Variants in CNTLN observed in about 807,000 individuals in gnomAD.
CNTLN encodes the protein centlein, centrosomal protein.
A neutral mutation model predicts 180.0 loss-of-function variants in CNTLN; 212 were observed. The observed-to-expected ratio is 1.18, with a 90% CI of 1.05 to 1.32. The LOEUF is 1.32. CNTLN is among the 40% of genes most tolerant of loss of function. CNTLN has a pLI of 0.00. For synonymous variants in CNTLN, 722 were observed against 563.1 expected, an observed-to-expected ratio of 1.28 and a Z score of -3.99; for missense variants, 2,095 against 1,610.9, an observed-to-expected ratio of 1.30 and a Z score of -5.14.
At chr9:17,337,642 G>T (rs1382698514) in intron 10 of CNTLN, among the ~76,000 whole-genome samples, 1 of 152,040 alleles carries the variant, frequency 6.6e-6, no homozygotes, top group African/African-American at 2.4e-5. Flanking sequence ...CTTAGTCTTT[G>T]GTTTAATGGT....
chr9:17,516,836 C>A, the CNTLN span, among the ~76,000 whole-genome samples: 1 of 152,152 alleles, frequency 6.6e-6, no homozygotes, highest in African/African-American at 2.4e-5. Context: ...AGAACTTGAT[C>A]TAGATTTTGT....
intron 13 of CNTLN, among the ~76,000 whole-genome samples, chr9:17,377,570 C>CA (rs1824879470): frequency 1.3e-5 from 2 of 151,566 alleles, no homozygotes; most frequent in Admixed American, 6.6e-5. Context: ...GTCAAAAAAA[C>CA]AAAAAACAAA....
At chr9:17,481,504 C>G (rs1832645291) in intron 23 of CNTLN, among the ~76,000 whole-genome samples, 1 of 152,164 alleles carries the variant, frequency 6.6e-6, no homozygotes, top group African/African-American at 2.4e-5. Flanking sequence ...AGCCAGTAGT[C>G]CTGTCCAGAG....
At chr9:17,326,897 A>G (rs1460832399) in intron 8 of CNTLN, among the ~76,000 whole-genome samples, 4 of 152,206 alleles carry the variant, frequency 2.6e-5, no homozygotes, top group Non-Finnish European at 5.9e-5. Flanking sequence ...TAGGAGATAT[A>G]GGAACTAAAT....
At chr9:17,518,698 T>A in the CNTLN span, among the ~76,000 whole-genome samples, 1 of 152,156 alleles carries the variant, frequency 6.6e-6, no homozygotes, top group Non-Finnish European at 1.5e-5. Context: ...TTTTAGGCAA[T>A]GAAATGTGAG....
chr9:17,171,445 A>T (rs1459500006), intron 2 of CNTLN, among the ~76,000 whole-genome samples: 1 of 152,118 alleles, frequency 6.6e-6, no homozygotes, highest in African/African-American at 2.4e-5. Context: ...ATCTGCTAAG[A>T]TTGTAGGAGT....
intron 23 of CNTLN, among the ~76,000 whole-genome samples, chr9:17,473,495 G>A (rs1244866451): frequency 1.3e-5 from 2 of 150,350 alleles, no homozygotes; most frequent in African/African-American, 4.9e-5. Flanking sequence ...CCTCATATTC[G>A]CAAGGACTTT....
At chr9:17,160,866 A>G (rs1819629560) in intron 2 of CNTLN, among the ~76,000 whole-genome samples, 1 of 152,012 alleles carries the variant, frequency 6.6e-6, no homozygotes, top group African/African-American at 2.4e-5. Flanking sequence ...ATTAAAACAG[A>G]TATTTCCACC....
chr9:17,298,948 A>G (rs1273170723), intron 7 of CNTLN: 2 of 985,068 alleles, frequency 2.0e-6, no homozygotes, highest in Non-Finnish European at 2.4e-6. Context: ...CTAATTAAAA[A>G]AAATACCTTT....
rs77780890 is a variant in CNTLN, at chr9:17,485,640, G to C, written c.4041+1160G>C. On this transcript the variant is annotated intron_variant, in intron 24 of 25. Transcript: ENST00000380647. ...AACCTAACCAAAATTTAAGGGTAAG[G>C]CCTCTACTGTTGCCTAGAAATTTTA... Among the ~76,000 whole-genome samples the C allele has an allele frequency of 3.3e-3, 502 of 152,080 alleles. 7 individuals carry two copies. The South Asian group carries it at 0.046, about 14-fold the overall frequency.
intron 5 of CNTLN, among the ~76,000 whole-genome samples, chr9:17,248,484 A>T (rs1387169994): frequency 6.7e-6 from 1 of 150,072 alleles, no homozygotes; most frequent in East Asian, 1.9e-4. Flanking sequence ...TGTCCATTTT[A>T]TCTAAATTAT....
At chr9:17,391,752 A>G (rs536990853) in intron 14 of CNTLN, among the ~76,000 whole-genome samples, 4 of 152,302 alleles carry the variant, frequency 2.6e-5, no homozygotes, top group African/African-American at 9.6e-5. Flanking sequence ...CAGTTTTATT[A>G]GGTAGATGTT....
chr9:17,193,545 A>G (rs2131824313), intron 2 of CNTLN, among the ~76,000 whole-genome samples: 1 of 152,318 alleles, frequency 6.6e-6, no homozygotes, highest in South Asian at 2.1e-4. Flanking sequence ...TCTCACATCC[A>G]GGTCACAGTG....
chr9:17,453,421 C>T lies in CNTLN; in HGVS notation c.3115-4103C>T, dbSNP rs140075899. On this transcript the variant is annotated intron_variant, in intron 18 of 25. Coordinates refer to ENST00000380647, the MANE Select transcript of CNTLN (RefSeq NM_017738.4). The stretch of plus-strand genomic sequence containing the variant: ...GAGTGAGAATATTATATAAACTCTA[C>T]GCACTGTGGGGTTTGGGATACTTTC... Among the ~76,000 whole-genome samples the T allele has an allele frequency of 2.1e-3, 319 of 152,176 alleles. 1 individual carries two copies. The highest frequency in any genetic ancestry group is 7.2e-3 in the African/African-American group (299 of 41,520).
chr9:17,464,314 C>G (rs1047010054), intron 20 of CNTLN, among the ~76,000 whole-genome samples, 183 bp from the exon 21 acceptor site: 1 of 151,218 alleles, frequency 6.6e-6, no homozygotes, highest in African/African-American at 2.4e-5. Flanking sequence ...ATAGATTTTA[C>G]AAGTGTTCAA....
Position 17,259,833 on chromosome 9 carries a change from A to AT in CNTLN, c.850-13894dup, listed in dbSNP as rs925992304. Reference sequence around the variant, plus strand: ...GATCGCTGGTGATATCCCCTTTATCATTTTTTATTGCATCTATTTGATTCT... The same window carrying AT: ...GATCGCTGGTGATATCCCCTTTATCATTTTTTTATTGCATCTATTTGATTCT... On this transcript the variant is annotated intron_variant, in intron 5 of 25. Transcript: ENST00000380647. Among the ~76,000 whole-genome samples, 669 of 141,406 alleles carry AT rather than the reference A, an allele frequency of 4.7e-3. 34 individuals carry two copies. The highest frequency in any genetic ancestry group is 0.018 in the African/African-American group (622 of 34,796). The allele number at this position is 141,406 out of a possible 152,430, so 92.8% of individuals were successfully genotyped here. A position where few individuals can be genotyped will look rare whatever the true frequency, so the allele number is the denominator to read the frequency against.
At chr9:17,438,843 A>C (rs1419349271) in intron 18 of CNTLN, among the ~76,000 whole-genome samples, 1 of 152,204 alleles carries the variant, frequency 6.6e-6, no homozygotes, top group Non-Finnish European at 1.5e-5. Context: ...AAGGTCCAAG[A>C]TCTGAGCTCT....
intron 6 of CNTLN, among the ~76,000 whole-genome samples, chr9:17,282,295 A>G (rs942525170): frequency 2.6e-5 from 4 of 152,088 alleles, no homozygotes; most frequent in Non-Finnish European, 5.9e-5. Context: ...CTGGTGTGAG[A>G]TGGTATCTTA....
intron 23 of CNTLN, among the ~76,000 whole-genome samples, chr9:17,483,150 G>C (rs117877396): frequency 1.3e-5 from 2 of 151,906 alleles, no homozygotes; most frequent in African/African-American, 4.8e-5. Context: ...TCCCGAATAC[G>C]TGAAGAACTC....
Sources: allele counts gnomAD v4.1 joint callset (sites outside exome capture counted in the v4.1 genomes callset), GRCh38; gene constraint gnomAD v4.1.1; transcripts MANE v1.5; gene names NCBI Gene and HGNC (gene_info 2026-07-23, HGNC 2026-07-21).